Variants in SGMS1 observed in about 807,000 individuals in gnomAD.
SGMS1 encodes the protein sphingomyelin synthase 1, also known as phosphatidylcholine:ceramide cholinephosphotransferase 1.
SGMS1 carries 13 observed loss-of-function variants against 46.2 expected under a neutral mutation model. That is an observed-to-expected ratio of 0.28 (90% CI 0.18 to 0.45). SGMS1 has a LOEUF of 0.45. Ranked by LOEUF, SGMS1 falls within the 20% of genes least tolerant of loss-of-function variation. The pLI is 1.00. For synonymous variants in SGMS1, 203 were observed against 187.8 expected, an observed-to-expected ratio of 1.08 and a Z score of -0.66; for missense variants, 324 against 519.9, an observed-to-expected ratio of 0.62 and a Z score of 3.66.
chr10:50,397,866 T>C (rs574461068), intron 6 of SGMS1, among the ~76,000 whole-genome samples: 16 of 152,336 alleles, frequency 1.1e-4, no homozygotes, highest in East Asian at 3.9e-4. Flanking sequence ...TCAAGTAAGT[T>C]ATGTGACCTA....
intron 3 of SGMS1, among the ~76,000 whole-genome samples, chr10:50,500,940 A>G (rs954851025): frequency 2.6e-5 from 4 of 152,190 alleles, no homozygotes; most frequent in African/African-American, 9.7e-5. Context: ...GTAATCTTAA[A>G]TATTTCTATG....
intron 2 of SGMS1, among the ~76,000 whole-genome samples, chr10:50,538,253 C>T (rs1838021122): frequency 6.6e-6 from 1 of 151,820 alleles, no homozygotes; most frequent in Non-Finnish European, 1.5e-5. Context: ...CTCAGGAGAT[C>T]GAGACCATCA....
At chr10:50,505,490 C>G (rs889765474) in intron 3 of SGMS1, among the ~76,000 whole-genome samples, 1 of 152,134 alleles carries the variant, frequency 6.6e-6, no homozygotes, top group African/African-American at 2.4e-5. Context: ...GTCAAGTGAA[C>G]AGTACTTCTA....
At chr10:50,379,882 G>A (rs898854735) in intron 6 of SGMS1, among the ~76,000 whole-genome samples, 2 of 152,136 alleles carry the variant, frequency 1.3e-5, no homozygotes, top group African/African-American at 4.8e-5. Flanking sequence ...AAGAGCAACA[G>A]GAAAGAAAAA....
intron 1 of SGMS1, among the ~76,000 whole-genome samples, chr10:50,616,287 A>G (rs1428430354): frequency 1.3e-5 from 2 of 150,698 alleles, no homozygotes; most frequent in Non-Finnish European, 2.9e-5. Flanking sequence ...CAACTGGCTA[A>G]TTTTATGTAT....
chr10:50,557,836 C>T (rs1326133626), intron 2 of SGMS1, among the ~76,000 whole-genome samples: 1 of 152,088 alleles, frequency 6.6e-6, no homozygotes, highest in African/African-American at 2.4e-5. Flanking sequence ...TCCAAGGCTA[C>T]TATACAAACA....
In SGMS1 at chr10:50,307,008, G is replaced by C. The variant is rs1184254542; in HGVS notation, c.*134C>G. ...GAAAAAAAGATCACAGTGCTGACCA[G>C]GTAACTCAATAGGTTAAGTCAAGGT... On this transcript the variant is annotated 3_prime_UTR_variant, in exon 11 of 11. Coordinates refer to ENST00000361781, the MANE Select transcript of SGMS1 (RefSeq NM_147156.4). This position sits in a 1 kb window ranked among gnomAD's most constrained non-coding sequence, Gnocchi z 4.2. 4.6e-6 allele frequency: 4 copies of C among 870,344 alleles called. No individual in the cohort carries two copies. The highest frequency in any genetic ancestry group is 6.9e-6 in the Non-Finnish European group (4 of 583,052). The allele number at this position is 870,344 out of a possible 1,614,324, so 53.9% of individuals were successfully genotyped here. A position where few individuals can be genotyped will look rare whatever the true frequency, so the allele number is the denominator to read the frequency against.
intron 6 of SGMS1, among the ~76,000 whole-genome samples, chr10:50,346,343 C>T (rs2133367848): frequency 6.6e-6 from 1 of 152,256 alleles, no homozygotes; most frequent in African/African-American, 2.4e-5. Context: ...CCACTGTCCA[C>T]TACATCTCAC....
chr10:50,495,855 TA>T (rs1172227986), intron 3 of SGMS1, among the ~76,000 whole-genome samples: 1 of 151,784 alleles, frequency 6.6e-6, no homozygotes, highest in African/African-American at 2.4e-5. Flanking sequence ...GAAAAATACA[TA>T]AGAAAATTTG....
chr10:50,337,447 C>T (rs1479110652), intron 7 of SGMS1, among the ~76,000 whole-genome samples: 2 of 152,150 alleles, frequency 1.3e-5, no homozygotes, highest in East Asian at 1.9e-4. Flanking sequence ...AAACCTCCCC[C>T]TCCAACTTCA....
At chr10:50,610,694 CA>C (rs763264592) in intron 1 of SGMS1, among the ~76,000 whole-genome samples, 2 of 152,170 alleles carry the variant, frequency 1.3e-5, no homozygotes, top group Non-Finnish European at 2.9e-5. Context: ...GTTAAATTAC[CA>C]ACCTTGTGAA....
intron 6 of SGMS1, among the ~76,000 whole-genome samples, chr10:50,370,742 T>TTA (rs71471385): frequency 7.4e-6 from 1 of 134,846 alleles, no homozygotes; most frequent in Non-Finnish European, 1.6e-5. Flanking sequence ...TCCATCTCAA[T>TTA]AAAAAAAAAA....
chr10:50,337,499 T>C (rs1209682044), intron 7 of SGMS1, among the ~76,000 whole-genome samples: 1 of 152,090 alleles, frequency 6.6e-6, no homozygotes, highest in Non-Finnish European at 1.5e-5. Flanking sequence ...AGAACTTTAA[T>C]CACAACCATC....
chr10:50,559,076 A>G (rs544668174), intron 2 of SGMS1, among the ~76,000 whole-genome samples: 10 of 152,258 alleles, frequency 6.6e-5, no homozygotes, highest in Admixed American at 5.2e-4. Flanking sequence ...ATCCATCCAG[A>G]TAACACCTGG....
intron 6 of SGMS1, among the ~76,000 whole-genome samples, chr10:50,353,006 G>C (rs915170567): frequency 2.6e-5 from 4 of 152,112 alleles, no homozygotes; most frequent in African/African-American, 7.2e-5. Flanking sequence ...TTCTACCAGA[G>C]GTACAAGGAG....
intron 7 of SGMS1, chr10:50,335,327 G>A (rs909378072): frequency 6.6e-6 from 1 of 152,356 alleles, no homozygotes; most frequent in East Asian, 1.9e-4. Context: ...TTTGGGCTGA[G>A]CACTGGGAGG....
chr10:50,501,002 A>C (rs2133756335), intron 3 of SGMS1, among the ~76,000 whole-genome samples: 1 of 152,318 alleles, frequency 6.6e-6, no homozygotes, highest in East Asian at 1.9e-4. Flanking sequence ...GAACCAATTA[A>C]CCAATGCTGG....
At chr10:50,338,925 G>A (rs949464898) in intron 7 of SGMS1, among the ~76,000 whole-genome samples, 22 of 152,078 alleles carry the variant, frequency 1.4e-4, no homozygotes, top group African/African-American at 4.6e-4. Context: ...TTCTAGTAGA[G>A]ATGGGGTTTC....
chr10:50,454,689 TAAAC>T (rs1837169131), intron 5 of SGMS1, among the ~76,000 whole-genome samples: 1 of 152,234 alleles, frequency 6.6e-6, no homozygotes, highest in African/African-American at 2.4e-5. Context: ...CAATTCTACT[TAAAC>T]TACCTAAGAA....
Sources: gnomAD v4.1 joint callset for allele counts (sites outside exome capture counted in the v4.1 genomes callset) on GRCh38, gnomAD v4.1.1 for gene constraint, Gnocchi (gnomAD v3.1) non-coding constraint, MANE v1.5 for transcripts, NCBI Gene and HGNC (gene_info 2026-07-23, HGNC 2026-07-21) for gene names.